The following SQSTM1 variants were observed in gnomAD, a reference collection of about 807,000 sequenced individuals.
SQSTM1 encodes sequestosome-1.
A neutral mutation model predicts 45.1 loss-of-function variants in SQSTM1; 36 were observed. The observed-to-expected ratio is 0.80, with a 90% confidence interval of 0.61 to 1.05. The LOEUF is 1.05. Among genes scored for constraint, SQSTM1 ranks in the 50% least tolerant of loss-of-function variants. SQSTM1 has a pLI of 0.00. For synonymous variants in SQSTM1, 290 were observed against 244.3 expected, an observed-to-expected ratio of 1.19 and a Z score of -1.74; for missense variants, 617 against 607.1, an observed-to-expected ratio of 1.02 and a Z score of -0.17.
intron 1 of SQSTM1, chr5:179,807,052 G>A (rs1757200788): frequency 6.6e-6 from 1 of 151,822 alleles, no homozygotes; most frequent in African/African-American, 2.4e-5. Flanking sequence ...CGAGGGGGTG[G>A]GGTGGGGGCC....
intron 5 of SQSTM1, among the ~76,000 whole-genome samples, chr5:179,831,974 G>A (rs750823488): frequency 2.6e-5 from 4 of 152,102 alleles, no homozygotes; most frequent in African/African-American, 7.2e-5. Flanking sequence ...TAGTAGAGAC[G>A]GGGTTTCACC....
rs556686676 is a variant in SQSTM1, at chr5:179,837,201, C to T, written c.*608C>T. The T allele has an allele frequency of 1.3e-6, 2 of 1,560,136 alleles. No individual in the cohort carries two copies. The highest frequency in any genetic ancestry group is 1.1e-5 in the South Asian group (1 of 88,140). ...TTTTAAAATAAGATCTCTTTGTAGC[C>T]ATCCTGTTAAATTTGTAAACAATCT... On this transcript the variant is annotated 3_prime_UTR_variant, in exon 8 of 8. Coordinates refer to ENST00000389805, the MANE Select transcript of SQSTM1 (RefSeq NM_003900.5).
chr5:179,823,617 G>A (rs1327621599), intron 2 of SQSTM1: 7 of 582,100 alleles, frequency 1.2e-5, no homozygotes, highest in African/African-American at 5.6e-5. Flanking sequence ...GGCCAAAGCT[G>A]TGCAGACAGG....
rs754647146 is a variant in SQSTM1, at chr5:179,822,961, A to G, written c.209A>G (p.Glu70Gly). The G allele has an allele frequency of 1.9e-6, 3 of 1,614,098 alleles. No individual in the cohort carries two copies. In the South Asian group the frequency reaches 3.3e-5, roughly 18 times the overall value. The change falls in exon 2 of 8, where the codon GAG (glutamate) becomes GGG (glycine). Residue 70 changes from glutamate (E) to glycine (G), a missense_variant. Glu to Gly is a moderately conservative substitution (Grantham distance 98). Coordinates refer to ENST00000389805, the MANE Select transcript of SQSTM1 (RefSeq NM_003900.5). ...PGGFQAHYRD[E>G]DGDLVAFSSD... Reference sequence around the variant, plus strand: ...TGCTGTCTTTTAAACAATCTAGATGAGGACGGGGACTTGGTTGCCTTTTCC... The same window carrying G: ...TGCTGTCTTTTAAACAATCTAGATGGGGACGGGGACTTGGTTGCCTTTTCC...
chr5:179,809,755 T>C (rs1468742542), intron 1 of SQSTM1, among the ~76,000 whole-genome samples: 1 of 149,102 alleles, frequency 6.7e-6, no homozygotes, highest in Non-Finnish European at 1.5e-5. Flanking sequence ...GCGATTCTCC[T>C]GCCTCAGCCA....
At chr5:179,830,936 CAA>C (rs1758185284) in intron 5 of SQSTM1, among the ~76,000 whole-genome samples, 2 of 152,014 alleles carry the variant, frequency 1.3e-5, no homozygotes, top group African/African-American at 2.4e-5. Context: ...CTCCTGGGCT[CAA>C]GAGATTTCTC....
chr5:179,819,762 AG>A (rs1230407393), upstream of SQSTM1, among the ~76,000 whole-genome samples: 2 of 152,206 alleles, frequency 1.3e-5, no homozygotes, highest in Admixed American at 6.5e-5. Context: ...TGCTCTGGGC[AG>A]GGTGGAAGCC....
chr5:179,832,222 A>C (rs1758260829), intron 5 of SQSTM1, among the ~76,000 whole-genome samples: 1 of 152,162 alleles, frequency 6.6e-6, no homozygotes, highest in Non-Finnish European at 1.5e-5. Flanking sequence ...GGGCACAGGG[A>C]GAGTTTGGGG....
In SQSTM1 at chr5:179,836,087, C is replaced by T. The variant is rs1022367950; in HGVS notation, c.1166-349C>T. ...CCATCTTCAATCTATTTCAATGCCC[C>T]ATCATCTCTTGCATGGAGGAGTGTA... On this transcript the variant is annotated intron_variant, in intron 7 of 7. Coordinates refer to ENST00000389805, the MANE Select transcript of SQSTM1 (RefSeq NM_003900.5). The T allele has an allele frequency of 1.2e-5, 5 of 405,314 alleles. No individual in the cohort carries two copies. In the South Asian group the frequency reaches 1.3e-4, roughly 10 times the overall value. 25.1% of individuals were successfully genotyped at this position (405,314 alleles called of 1,614,324 possible). A position where few individuals can be genotyped will look rare whatever the true frequency, so the allele number is the denominator to read the frequency against.
At chr5:179,833,547 G>A (rs931740107) in intron 6 of SQSTM1, 40 bp from the exon 7 acceptor site, 2 of 1,610,202 alleles carry the variant, frequency 1.2e-6, no homozygotes, top group Non-Finnish European at 1.7e-6. Flanking sequence ...TTGGCCTGTT[G>A]CGCGTGTCTC....
Position 179,806,505 on chromosome 5 carries a change from C to T in SQSTM1, c.-243C>T. ...CGCTCACCTTTCTGGCCGCTGAGTG[C>T]CGCGTACCAGGACAGCGAGAGGAAG... On this transcript the variant is annotated 5_prime_UTR_variant, in exon 1 of 6. Transcript: ENST00000514093. This position sits in a 1 kb window ranked among gnomAD's most constrained non-coding sequence, Gnocchi z 4.6. The T allele has an allele frequency of 1.5e-6, 2 of 1,323,434 alleles. No homozygotes were observed. Among genetic ancestry groups the T allele is most frequent in the South Asian group, 1.5e-5 (1 of 68,092 alleles). 82.0% of individuals were successfully genotyped at this position (1,323,434 alleles called of 1,614,324 possible). A position where few individuals can be genotyped will look rare whatever the true frequency, so the allele number is the denominator to read the frequency against.
At chr5:179,834,133 GC>G (rs1442052476) in intron 7 of SQSTM1, among the ~76,000 whole-genome samples, 1 of 136,246 alleles carries the variant, frequency 7.3e-6, no homozygotes, top group Non-Finnish European at 1.6e-5. Flanking sequence ...CTCAAGTGCC[GC>G]CTCAGGGAGT....
Position 179,836,708 on chromosome 5 carries a change from G to A in SQSTM1, c.*115G>A. 4 of 1,528,742 alleles carry A rather than the reference G, an allele frequency of 2.6e-6. No homozygotes were observed. The South Asian group carries it at 4.5e-5, about 17-fold the overall frequency. 94.7% of individuals were successfully genotyped at this position (1,528,742 alleles called of 1,614,324 possible). On this transcript the variant is annotated 3_prime_UTR_variant, in exon 8 of 8. Coordinates refer to ENST00000389805, the MANE Select transcript of SQSTM1 (RefSeq NM_003900.5). ...TTTCTCTGCCTTCTTCCAGGATCAG[G>A]GGTTAGGGTGCAAGAAGCCATTTAG... is the stretch of plus-strand genomic sequence containing the variant.
chr5:179,809,637 CTTTTTTTTTTTT>C (rs1181470503), intron 1 of SQSTM1, among the ~76,000 whole-genome samples: 7 of 77,664 alleles, frequency 9.0e-5, no homozygotes, highest in Admixed American at 6.0e-4. Context: ...GCGCCTGGCC[CTTTTTTTTTTTT>C]TTTTTTTTTT....
In SQSTM1 at chr5:179,837,955, T is replaced by A; in HGVS notation, c.*1362T>A. 2.8e-6 allele frequency: 4 copies of A among 1,447,576 alleles called. No individual in the cohort carries two copies. Among genetic ancestry groups the A allele is most frequent in the Non-Finnish European group, 3.7e-6 (4 of 1,069,478 alleles). The allele number at this position is 1,447,576 out of a possible 1,614,324, so 89.7% of individuals were successfully genotyped here. A position where few individuals can be genotyped will look rare whatever the true frequency, so the allele number is the denominator to read the frequency against. On this transcript the variant is annotated 3_prime_UTR_variant, in exon 8 of 8. Transcript: ENST00000389805. The stretch of plus-strand genomic sequence containing the variant: ...CAGGGCCCAGGAGGACCGCCTGCCC[T>A]GCCTGGGCCTTGGCTGGGCCTCTGG...
intron 5 of SQSTM1, among the ~76,000 whole-genome samples, chr5:179,828,369 C>CTTTTTTTTTTTTTTTTTTTTTTTTTTATT (rs57483633): frequency 3.1e-5 from 3 of 98,298 alleles, no homozygotes; most frequent in Non-Finnish European, 4.2e-5. Flanking sequence ...TTTTTCTTAT[C>CTTTTTTTTTTTTTTTTTTTTTTTTTTATT]TTTTTTTTTT....
intron 1 of SQSTM1, among the ~76,000 whole-genome samples, chr5:179,811,387 AGGAGCTATGCAG>A (rs1394369158): frequency 1.6e-4 from 1 of 6,144 alleles, no homozygotes; most frequent in Admixed American, 2.5e-3. Flanking sequence ...ATGCAGGGGG[AGGAGCTATGCAG>A]GGGGAGGAGC....
chr5:179,837,643 T>G lies in SQSTM1; in HGVS notation c.*1050T>G. 1 of 1,614,212 alleles carries G rather than the reference T, an allele frequency of 6.2e-7. No individual in the cohort carries two copies. Among genetic ancestry groups the G allele is most frequent in the South Asian group, 1.1e-5 (1 of 91,082 alleles). On this transcript the variant is annotated 3_prime_UTR_variant, in exon 8 of 8. Transcript: ENST00000389805. Reference sequence around the variant, plus strand: ...CTCTGGGGGTCCCTTGCTTAGCCTGTGCTGGACCAGCTGGCCTGGGGTCCC... The same window carrying G: ...CTCTGGGGGTCCCTTGCTTAGCCTGGGCTGGACCAGCTGGCCTGGGGTCCC...
At chr5:179,834,247 G>GGGGT in intron 7 of SQSTM1, among the ~76,000 whole-genome samples, 1 of 108,084 alleles carries the variant, frequency 9.3e-6, no homozygotes, top group African/African-American at 3.8e-5. Context: ...GGGGGGGTGG[G>GGGGT]GGGTGGGGAC....
Sources: allele counts gnomAD v4.1 joint callset (sites outside exome capture counted in the v4.1 genomes callset), GRCh38; gene constraint gnomAD v4.1.1; non-coding constraint Gnocchi (gnomAD v3.1); transcripts MANE v1.5; gene names NCBI Gene and HGNC (gene_info 2026-07-23, HGNC 2026-07-21).